CHERP: variants seen among roughly 807,000 people sequenced by gnomAD.
CHERP encodes the protein ERPROT 213-21.
A neutral mutation model predicts 113.8 loss-of-function variants in CHERP; 8 were observed. The observed-to-expected ratio is 0.07, with a 90% CI of 0.04 to 0.13. The LOEUF is 0.13. Among genes scored for constraint, CHERP ranks in the 10% least tolerant of loss-of-function variants. The probability of loss-of-function intolerance (pLI) is 1.00; values close to 1 mark genes in which losing one functional copy is unlikely to be tolerated. For synonymous variants in CHERP, 559 were observed against 524.5 expected (o/e 1.07, Z -0.90); for missense variants, 884 against 1,298.2 (o/e 0.68, Z 4.90).
chr19:16,527,965 A>C, intron 9 of CHERP, 115 bp downstream of exon 9: 11 of 1,014,612 alleles, frequency 1.1e-5, no homozygotes, highest in Non-Finnish European at 1.2e-5. Context: ...CTGCCACAGA[A>C]TATCCCTCAT....
chr19:16,532,745 C>A lies in CHERP; in HGVS notation c.527G>T (p.Gly176Val). 1 of 1,606,500 alleles carries A rather than the reference C, an allele frequency of 6.2e-7. No homozygotes were observed. Among genetic ancestry groups the A allele is most frequent in the Non-Finnish European group, 8.5e-7 (1 of 1,174,772 alleles). The change falls in exon 5 of 17, where the codon GGG becomes GTG. Residue 176 changes from glycine to valine, a missense_variant. By Grantham distance (109) the Gly-to-Val change is moderately radical. This residue lies in a region of CHERP where 73 missense variants were observed against 182.4 expected (regional missense o/e 0.40). Coordinates refer to ENST00000546361, the MANE Select transcript of CHERP (RefSeq NM_006387.6). This position sits in a 1 kb window ranked among gnomAD's most constrained non-coding sequence, Gnocchi z 4.4. ...GGCATTGCTGAACATCCAGTTCTTC[C>A]CGGCCTGCAACAACCGAGCCAATGA... The part of the protein sequence containing the change: ...DTCTKDAISA[G>V]KNWMFSNAKS...
chr19:16,521,497 A>AC (rs2085615402), intron 12 of CHERP, 24 bp downstream of exon 12: 2 of 1,544,128 alleles, frequency 1.3e-6, no homozygotes, highest in African/African-American at 2.7e-5. Flanking sequence ...CCTCCCGCCC[A>AC]CCCCACTGAC....
At chr19:16,533,201 T>C (rs1207322914) in intron 3 of CHERP, 53 bp from the exon 4 acceptor site, 3 of 1,537,138 alleles carry the variant, frequency 2.0e-6, no homozygotes, top group African/African-American at 2.7e-5. Context: ...ACCCGCAGCC[T>C]GAGCCCTCCG....
chr19:16,538,344 A>G (rs1195422432), intron 2 of CHERP, among the ~76,000 whole-genome samples: 2 of 152,140 alleles, frequency 1.3e-5, no homozygotes, highest in Admixed American at 6.6e-5. Context: ...TCACCTGGCC[A>G]ACTCCAACAC....
Position 16,532,791 on chromosome 19 carries a change from T to C in CHERP, c.523-42A>G. 1 of 1,579,546 alleles carries C rather than the reference T, an allele frequency of 6.3e-7. No homozygotes were observed. The highest frequency in any genetic ancestry group is 8.6e-7 in the Non-Finnish European group (1 of 1,158,252). On this transcript the variant is annotated intron_variant, in intron 4 of 16. Coordinates refer to ENST00000546361, the MANE Select transcript of CHERP (RefSeq NM_006387.6). The surrounding 1 kb of genome is among the most constrained non-coding windows in gnomAD (Gnocchi z 4.4). The stretch of plus-strand genomic sequence containing the variant: ...AATGACGAGTGAGCAGGGCCGCGGC[T>C]CCCCCAGGCACCCACTGCATCCCTG...
Position 16,519,477 on chromosome 19 carries a change from C to T in CHERP, c.2558-125G>A. The T allele has an allele frequency of 7.8e-7, 1 of 1,275,318 alleles. No individual in the cohort carries two copies. 79.0% of individuals were successfully genotyped at this position (1,275,318 alleles called of 1,614,324 possible). A position where few individuals can be genotyped will look rare whatever the true frequency, so the allele number is the denominator to read the frequency against. On this transcript the variant is annotated intron_variant, in intron 16 of 16. Transcript: ENST00000546361. The surrounding 1 kb of genome is among the most constrained non-coding windows in gnomAD (Gnocchi z 6.0). Reference sequence around the variant, plus strand: ...TGGGTAGAGAGAACCCGCAGGCCGGCCCTGTCTAGAGGGTCTGGGTGGAGT... The same window carrying T: ...TGGGTAGAGAGAACCCGCAGGCCGGTCCTGTCTAGAGGGTCTGGGTGGAGT...
rs1345931739 is a variant in CHERP, at chr19:16,533,127, C to T, written c.406G>A (p.Ala136Thr). 6.3e-7 allele frequency: 1 copy of T among 1,587,100 alleles called. No individual in the cohort carries two copies. Among genetic ancestry groups the T allele is most frequent in the Non-Finnish European group, 8.6e-7 (1 of 1,167,068 alleles). ...LRQEQVTAAVAHAVEQQMQKL... is the reference protein window; with the variant it reads ...LRQEQVTAAVTHAVEQQMQKL... Reference sequence around the variant, plus strand: ...TGCATCTGCTGCTCCACCGCGTGGGCCACGGCCGCTGTCACTTGCTCCTGC... The same window carrying T: ...TGCATCTGCTGCTCCACCGCGTGGGTCACGGCCGCTGTCACTTGCTCCTGC... Residue 136 changes from alanine to threonine, a missense_variant, in exon 4 of 17, where the codon GCC becomes ACC. Ala to Thr is a moderately conservative substitution (Grantham distance 58, BLOSUM62 0). Around this residue, in one of 8 missense-constraint regions of CHERP, gnomAD observed 109 missense variants for 134.2 expected, o/e 0.81. Coordinates refer to ENST00000546361, the MANE Select transcript of CHERP (RefSeq NM_006387.6).
At chr19:16,542,116 C>T (rs1168677328) in intron 1 of CHERP, 73 bp from the exon 2 acceptor site, 7 of 1,491,672 alleles carry the variant, frequency 4.7e-6, no homozygotes, top group South Asian at 3.9e-5. Context: ...GGCGCCCCAG[C>T]CCCCGTCCGC....
At chr19:16,542,193 AC>A in intron 1 of CHERP, 150 bp from the exon 2 acceptor site, 1 of 1,083,864 alleles carries the variant, frequency 9.2e-7, no homozygotes, top group Non-Finnish European at 1.3e-6. Context: ...GATAGGGGCC[AC>A]ACGCTCGCCG....
chr19:16,528,416 G>A (rs1342045364), intron 8 of CHERP, among the ~76,000 whole-genome samples, 161 bp from the exon 9 acceptor site: 2 of 152,190 alleles, frequency 1.3e-5, no homozygotes, highest in African/African-American at 4.8e-5. Context: ...TCCAGGAAGG[G>A]GACAGGGCGA....
Position 16,525,385 on chromosome 19 carries a change from G to T in CHERP, c.1598C>A (p.Pro533Gln). 1 of 1,499,912 alleles carries T rather than the reference G, an allele frequency of 6.7e-7. No homozygotes were observed. Among genetic ancestry groups the T allele is most frequent in the East Asian group, 2.4e-5 (1 of 41,130 alleles). The allele number at this position is 1,499,912 out of a possible 1,614,324, so 92.9% of individuals were successfully genotyped here. Reference protein sequence around the residue: ...RGPFPPHQQHPQFNQPPHPHN... With the variant: ...RGPFPPHQQHQQFNQPPHPHN... The stretch of plus-strand genomic sequence containing the variant: ...GGGGTGCGGAGGCTGGTTGAACTGC[G>T]GGTGCTGCTGGTGGGGCGGGAAGGG... The change falls in exon 10 of 17, where the codon CCG (proline) becomes CAG (glutamine). Residue 533 changes from proline (P) to glutamine (Q), a missense_variant. Pro to Gln is a moderately conservative substitution (Grantham distance 76). Around this residue, in one of 8 missense-constraint regions of CHERP, gnomAD observed 464 missense variants for 590.1 expected, o/e 0.79. Coordinates refer to ENST00000546361, the MANE Select transcript of CHERP (RefSeq NM_006387.6). The surrounding 1 kb of genome is among the most constrained non-coding windows in gnomAD (Gnocchi z 6.5).
chr19:16,525,334 C>T lies in CHERP; in HGVS notation c.1649G>A (p.Arg550His), dbSNP rs772514217. 1.0e-5 allele frequency: 15 copies of T among 1,472,246 alleles called. No homozygotes were observed. Among genetic ancestry groups the T allele is most frequent in the Admixed American group, 7.7e-5 (3 of 39,080 alleles). 91.2% of individuals were successfully genotyped at this position (1,472,246 alleles called of 1,614,324 possible). A position where few individuals can be genotyped will look rare whatever the true frequency, so the allele number is the denominator to read the frequency against. ...TGGCGGGAAGTCGTCCTGCATGAAGCGGGGCGGGAAGCGGTTGAAGTTGTG... is the reference window on the plus strand; with the variant it reads ...TGGCGGGAAGTCGTCCTGCATGAAGTGGGGCGGGAAGCGGTTGAAGTTGTG... The part of the protein sequence containing the change: ...HPHNFNRFPP[R>H]FMQDDFPPRH... Residue 550 changes from arginine to histidine, a missense_variant, in exon 10 of 17, where the codon CGC becomes CAC. This residue lies in a region of CHERP where 464 missense variants were observed against 590.1 expected (regional missense o/e 0.79). Transcript: ENST00000546361. The surrounding 1 kb of genome is among the most constrained non-coding windows in gnomAD (Gnocchi z 6.5).
At chr19:16,522,968 G>T (rs2085630532) in intron 11 of CHERP, 84 bp downstream of exon 11, 2 of 1,433,822 alleles carry the variant, frequency 1.4e-6, no homozygotes, top group African/African-American at 1.5e-5. Flanking sequence ...AAGGCACCCG[G>T]TCCCGTGCAT....
rs368651730 is a variant in CHERP, at chr19:16,530,542, G to A, written c.876+43C>T. On this transcript the variant is annotated intron_variant, in intron 7 of 16. Coordinates refer to ENST00000546361, the MANE Select transcript of CHERP (RefSeq NM_006387.6). The surrounding 1 kb of genome is among the most constrained non-coding windows in gnomAD (Gnocchi z 4.1). ...ACTCCCAAACCCTCCTGGGGAACCC[G>A]CCCCAGCTCTAGGGTGAGGTGTGGG... The A allele has an allele frequency of 3.4e-5, 54 of 1,583,764 alleles. No homozygotes were observed. The highest frequency in any genetic ancestry group is 3.7e-5 in the Non-Finnish European group (43 of 1,153,108).
At chr19:16,522,781 C>G (rs907488849) in intron 11 of CHERP, among the ~76,000 whole-genome samples, 1 of 152,126 alleles carries the variant, frequency 6.6e-6, no homozygotes, top group Non-Finnish European at 1.5e-5. Context: ...AGAGAGGACT[C>G]GAGCCTCATA....
chr19:16,532,389 G>A lies in CHERP; in HGVS notation c.674+209C>T. The A allele has an allele frequency of 1.7e-6, 1 of 590,404 alleles. No homozygotes were observed. Among genetic ancestry groups the A allele is most frequent in the South Asian group, 2.2e-5 (1 of 45,782 alleles). 36.6% of individuals were successfully genotyped at this position (590,404 alleles called of 1,614,324 possible). A position where few individuals can be genotyped will look rare whatever the true frequency, so the allele number is the denominator to read the frequency against. On this transcript the variant is annotated intron_variant, in intron 5 of 16. Transcript: ENST00000546361. The surrounding 1 kb of genome is among the most constrained non-coding windows in gnomAD (Gnocchi z 4.4). ...TCTAGGGGAGAGGACAGGGCATGCA[G>A]CGAAGGTGCACAGGACACCTAGACC... is the stretch of plus-strand genomic sequence containing the variant.
At position 16,519,044 on chromosome 19, in the gene CHERP, A is replaced by C. The variant is rs138776573; in HGVS notation, c.*115T>G. 4.2e-6 allele frequency: 4 copies of C among 960,928 alleles called. No individual in the cohort carries two copies. The highest frequency in any genetic ancestry group is 2.6e-4 in the Middle Eastern group (1 of 3,794). The allele number at this position is 960,928 out of a possible 1,614,324, so 59.5% of individuals were successfully genotyped here. A position where few individuals can be genotyped will look rare whatever the true frequency, so the allele number is the denominator to read the frequency against. On this transcript the variant is annotated 3_prime_UTR_variant, in exon 17 of 17. Transcript: ENST00000546361. The surrounding 1 kb of genome is among the most constrained non-coding windows in gnomAD (Gnocchi z 6.0). The stretch of plus-strand genomic sequence containing the variant: ...CTTCCTTCTCTTCCTGTGGCTCTCC[A>C]CAAGTGGAGACGGTGTAAGAACTGA...
intron 2 of CHERP, among the ~76,000 whole-genome samples, chr19:16,536,067 G>A (rs2085739269): frequency 6.6e-6 from 1 of 152,106 alleles, no homozygotes; most frequent in African/African-American, 2.4e-5. Flanking sequence ...GCTACCCATT[G>A]ACTGTTAAGA....
intron 3 of CHERP, among the ~76,000 whole-genome samples, chr19:16,533,698 T>TA (rs2085722376): frequency 1.3e-5 from 2 of 151,736 alleles, no homozygotes; most frequent in African/African-American, 4.8e-5. Flanking sequence ...AGTTCAAAGT[T>TA]AAACAGTGAG....
Sources: gnomAD v4.1 joint callset for allele counts (sites outside exome capture counted in the v4.1 genomes callset) on GRCh38, gnomAD v4.1.1 for gene constraint, gnomAD v4.1.1 regional missense constraint, Gnocchi (gnomAD v3.1) non-coding constraint, MANE v1.5 for transcripts, NCBI Gene and HGNC (gene_info 2026-07-23, HGNC 2026-07-21) for gene names.